UBE2A: variants seen among roughly 807,000 people sequenced by gnomAD.
UBE2A encodes ubiquitin conjugating enzyme E2 A.
For missense variants in UBE2A, 27 were observed against 125.8 expected (o/e 0.21, Z 3.76); for synonymous variants, 39 against 41.1 (o/e 0.95, Z 0.20).
chrX:119,575,249 A>G lies in UBE2A; in HGVS notation c.126-126A>G, dbSNP rs750837966. 14 of 1,015,948 alleles carry G rather than the reference A, an allele frequency of 1.4e-5. 1 individual carries two copies. The highest frequency in any genetic ancestry group is 1.8e-5 in the Non-Finnish European group (13 of 725,883). The allele number at this position is 1,015,948 out of a possible 1,213,427, so 83.7% of individuals were successfully genotyped here. On this transcript the variant is annotated intron_variant, in intron 2 of 5. Coordinates refer to ENST00000371558, the MANE Select transcript of UBE2A (RefSeq NM_003336.4). ...CTGTGTCTCTGAGCCCGGGACATCC[A>G]TTTGTAGTGGCTTCCGACCCCGGTA...
At chrX:119,581,664 C>T in intron 4 of UBE2A, 68 bp downstream of exon 4, 2 of 899,982 alleles carry the variant, frequency 2.2e-6, no homozygotes, top group Admixed American at 4.5e-5. Context: ...TCCACATTTC[C>T]TGTGTATTTT....
chrX:119,582,984 A>G, intron 5 of UBE2A, 143 bp from the exon 6 acceptor site: 1 of 726,113 alleles, frequency 1.4e-6, no homozygotes, highest in Non-Finnish European at 2.0e-6. Context: ...TTTCCTAGCT[A>G]CTAGCAGATT....
intron 2 of UBE2A, 117 bp from the exon 3 acceptor site, chrX:119,575,258 G>C: frequency 9.4e-7 from 1 of 1,059,356 alleles, no homozygotes; most frequent in Non-Finnish European, 1.3e-6. Context: ...CATTTGTAGT[G>C]GCTTCCGACC....
intron 3 of UBE2A, chrX:119,576,815 G>GCATA (rs1411365566): frequency 8.9e-6 from 1 of 112,434 alleles, no homozygotes; most frequent in African/African-American, 3.2e-5. Context: ...GATTGTAAGG[G>GCATA]CATACTACTT....
chrX:119,580,059 C>T (rs1255275981), intron 3 of UBE2A, among the ~76,000 whole-genome samples: 1 of 111,488 alleles, frequency 9.0e-6, no homozygotes, highest in African/African-American at 3.3e-5. Context: ...GACATACTTC[C>T]ATACTTCTAA....
intron 3 of UBE2A, among the ~76,000 whole-genome samples, chrX:119,578,481 G>C (rs950637628): frequency 1.1e-4 from 12 of 110,998 alleles, no homozygotes; most frequent in Non-Finnish European, 2.1e-4. Flanking sequence ...AATCTCTAAA[G>C]TCCACTAAGA....
At chrX:119,578,753 A>C (rs1430076668) in intron 3 of UBE2A, among the ~76,000 whole-genome samples, 1 of 111,353 alleles carries the variant, frequency 9.0e-6, no homozygotes, top group South Asian at 3.8e-4. Flanking sequence ...CCTTATTGCC[A>C]TACACCAGTC....
chrX:119,577,901 C>T (rs1009451624), intron 3 of UBE2A, among the ~76,000 whole-genome samples: 5 of 110,942 alleles, frequency 4.5e-5, no homozygotes, highest in Non-Finnish European at 9.4e-5. Context: ...CTCGGCCTCC[C>T]AAAGTGCTAT....
intron 5 of UBE2A, 91 bp from the exon 6 acceptor site, chrX:119,583,036 C>A: frequency 9.2e-7 from 1 of 1,084,939 alleles, no homozygotes; most frequent in Non-Finnish European, 1.3e-6. Context: ...AGAAATGTAG[C>A]TGTACTTAGG....
At chrX:119,581,294 C>T in intron 3 of UBE2A, 1 of 316,466 alleles carries the variant, frequency 3.2e-6, no homozygotes. Flanking sequence ...TGGCTGTCTC[C>T]AAGTTTGGGG....
chrX:119,583,100 C>T (rs773559732), intron 5 of UBE2A, 27 bp from the exon 6 acceptor site: 1 of 1,209,883 alleles, frequency 8.3e-7, no homozygotes. Context: ...CATTAAGGAA[C>T]TGACATTTTA....
intron 3 of UBE2A, among the ~76,000 whole-genome samples, chrX:119,579,360 G>A (rs2053436956): frequency 8.9e-6 from 1 of 111,815 alleles, no homozygotes; most frequent in Non-Finnish European, 1.9e-5. Flanking sequence ...TTTAATATCT[G>A]AATGCCTTAA....
chrX:119,580,733 T>A (rs2053444466), intron 3 of UBE2A: 1 of 112,413 alleles, frequency 8.9e-6, no homozygotes, highest in African/African-American at 3.2e-5. Flanking sequence ...CTACCTTAGG[T>A]TGACATATAT....
chrX:119,581,705 G>T (rs1398670404), intron 4 of UBE2A, 109 bp downstream of exon 4: 3 of 615,527 alleles, frequency 4.9e-6, no homozygotes, highest in Non-Finnish European at 8.0e-6. Context: ...TAGGCAGCTT[G>T]CTGCTTCTTG....
Position 119,583,750 on chromosome X carries a change from G to A in UBE2A, c.*495G>A, listed in dbSNP as rs1421704485. 8.1e-6 allele frequency: 1 copy of A among 123,924 alleles called. No individual in the cohort carries two copies. The highest frequency in any genetic ancestry group is 1.7e-5 in the Non-Finnish European group (1 of 60,447). 10.2% of individuals were successfully genotyped at this position (123,924 alleles called of 1,213,427 possible). On this transcript the variant is annotated 3_prime_UTR_variant, in exon 6 of 6. Coordinates refer to ENST00000371558, the MANE Select transcript of UBE2A (RefSeq NM_003336.4). ...ATGTAAACAATTTTGAAGGAGGCAT[G>A]GGAGCTAAAAATCCTGTGATACTAA...
At chrX:119,582,415 G>A (rs1257506678) in intron 4 of UBE2A, 173 bp from the exon 5 acceptor site, 4 of 386,118 alleles carry the variant, frequency 1.0e-5, no homozygotes, top group Non-Finnish European at 1.4e-5. Context: ...TGATCATCCT[G>A]ATTATTTCAC....
Position 119,574,669 on chromosome X carries a change from C to T in UBE2A, c.-43C>T, listed in dbSNP as rs750146798. 18 of 1,183,620 alleles carry T rather than the reference C, an allele frequency of 1.5e-5. No homozygotes were observed. Among genetic ancestry groups the T allele is most frequent in the Admixed American group, 1.2e-4 (5 of 42,966 alleles). On this transcript the variant is annotated 5_prime_UTR_variant, in exon 1 of 6. Coordinates refer to ENST00000371558, the MANE Select transcript of UBE2A (RefSeq NM_003336.4). ...CGGCCTCCTCGCCCGCCGCGGGAAC[C>T]CGAGACCCCAGTGTATGCCCCACCC... is the stretch of plus-strand genomic sequence containing the variant.
chrX:119,579,501 A>G (rs1291306155), intron 3 of UBE2A, among the ~76,000 whole-genome samples: 1 of 111,847 alleles, frequency 8.9e-6, no homozygotes, highest in Non-Finnish European at 1.9e-5. Context: ...ACTTTGTGGA[A>G]CTATGCATAT....
chrX:119,580,554 GA>G (rs2053443597), intron 3 of UBE2A: 1 of 111,857 alleles, frequency 8.9e-6, no homozygotes, highest in Admixed American at 9.5e-5. Context: ...TTTCAGTCAG[GA>G]AAAAACATTG....
Sources: gnomAD v4.1 joint callset for allele counts (sites outside exome capture counted in the v4.1 genomes callset) on GRCh38, gnomAD v4.1.1 for gene constraint, MANE v1.5 for transcripts, NCBI Gene and HGNC (gene_info 2026-07-23, HGNC 2026-07-21) for gene names.